PREX2: variants seen among roughly 807,000 people sequenced by gnomAD.
PREX2 encodes phosphatidylinositol 3,4,5-trisphosphate-dependent Rac exchanger 2 protein.
A neutral mutation model predicts 203.2 loss-of-function variants in PREX2; 107 were observed. That is an observed-to-expected ratio of 0.53 (90% CI 0.45 to 0.62). The LOEUF (loss-of-function observed/expected upper bound fraction) is 0.62. Among genes scored for constraint, PREX2 ranks in the 20% least tolerant of loss-of-function variants. The pLI is 0.00. For missense variants in PREX2, 1,777 were observed against 1,955.9 expected (o/e 0.91, Z 1.72); for synonymous variants, 672 against 663.6 (o/e 1.01, Z -0.19).
At chr8:68,191,256 T>C (rs1221030491) in intron 35 of PREX2, among the ~76,000 whole-genome samples, 2 of 152,198 alleles carry the variant, frequency 1.3e-5, no homozygotes, top group African/African-American at 4.8e-5. Flanking sequence ...TTTATGAGCC[T>C]TCGTTCCATA....
chr8:68,159,945 G>A (rs1431517570), intron 35 of PREX2, among the ~76,000 whole-genome samples: 1 of 152,032 alleles, frequency 6.6e-6, no homozygotes, highest in Admixed American at 6.6e-5. Flanking sequence ...GCTATAAGCT[G>A]TAAATGGCTC....
intron 20 of PREX2, 32 bp from the exon 21 acceptor site, chr8:68,093,573 C>A: frequency 2.8e-6 from 3 of 1,088,430 alleles, no homozygotes; most frequent in Middle Eastern, 2.0e-4. Flanking sequence ...AGCACTAATA[C>A]CTCTGAGGTT....
intron 1 of PREX2, among the ~76,000 whole-genome samples, chr8:67,968,687 A>G (rs1165877598): frequency 6.6e-6 from 1 of 152,200 alleles, no homozygotes; most frequent in Non-Finnish European, 1.5e-5. Flanking sequence ...AATCTTTCGC[A>G]TCCACTTCTC....
intron 26 of PREX2, among the ~76,000 whole-genome samples, chr8:68,116,710 C>T (rs996153668): frequency 3.5e-4 from 54 of 152,290 alleles, no homozygotes; most frequent in African/African-American, 1.0e-3. Context: ...CTTAAGGTCA[C>T]GCCCTAATGA....
chr8:68,030,747 A>G (rs562148258), intron 6 of PREX2, 89 bp downstream of exon 6: 2 of 1,277,146 alleles, frequency 1.6e-6, no homozygotes, highest in South Asian at 2.6e-5. Flanking sequence ...GGAACCATAA[A>G]TGGTCATTTT....
chr8:68,053,398 A>G (rs554903023), intron 9 of PREX2, 152 bp downstream of exon 9: 20 of 758,828 alleles, frequency 2.6e-5, no homozygotes, highest in African/African-American at 2.5e-4. Context: ...TTGACATTGA[A>G]AGCAATTACT....
At chr8:68,083,168 C>G in intron 17 of PREX2, 72 bp from the exon 18 acceptor site, 1 of 1,114,144 alleles carries the variant, frequency 9.0e-7, no homozygotes, top group South Asian at 1.7e-5. Flanking sequence ...TTTTCATATT[C>G]CAATTTTGTG....
intron 1 of PREX2, among the ~76,000 whole-genome samples, chr8:68,011,067 G>C (rs1333852015): frequency 6.6e-6 from 1 of 152,144 alleles, no homozygotes; most frequent in East Asian, 1.9e-4. Flanking sequence ...GAGAAAACTA[G>C]CTGTATACAT....
At chr8:68,205,494 T>C (rs1812604771) in intron 37 of PREX2, among the ~76,000 whole-genome samples, 1 of 152,204 alleles carries the variant, frequency 6.6e-6, no homozygotes, top group Admixed American at 6.5e-5. Context: ...GCTGCAGGCT[T>C]TTCCGTATTT....
chr8:68,047,763 A>G (rs938317197), intron 8 of PREX2, among the ~76,000 whole-genome samples: 5 of 151,484 alleles, frequency 3.3e-5, no homozygotes, highest in Non-Finnish European at 7.4e-5. Context: ...GTATTTTTCT[A>G]TACTCTATGT....
At chr8:68,031,611 C>A (rs1807883363) in intron 6 of PREX2, among the ~76,000 whole-genome samples, 1 of 152,172 alleles carries the variant, frequency 6.6e-6, no homozygotes, top group Non-Finnish European at 1.5e-5. Context: ...CCCTTCTCTC[C>A]TGTGAATCTT....
chr8:68,003,359 G>A (rs1807000043), intron 1 of PREX2, among the ~76,000 whole-genome samples: 1 of 99,356 alleles, frequency 1.0e-5, no homozygotes, highest in African/African-American at 3.3e-5. Flanking sequence ...TTAAAACAAT[G>A]TGACTCTTTC....
chr8:68,027,800 A>G (rs1326855579), intron 5 of PREX2, among the ~76,000 whole-genome samples: 2 of 152,086 alleles, frequency 1.3e-5, no homozygotes, highest in Non-Finnish European at 2.9e-5. Flanking sequence ...TGAGACAATA[A>G]ATGATAGAAT....
intron 1 of PREX2, among the ~76,000 whole-genome samples, chr8:67,990,705 G>T (rs902696727): frequency 6.6e-6 from 1 of 151,780 alleles, no homozygotes; most frequent in African/African-American, 2.4e-5. Flanking sequence ...TAGAGATAGG[G>T]TTTCACCAAA....
At position 68,191,711 on chromosome 8, in the gene PREX2, G is replaced by T. The variant is rs752534170; in HGVS notation, c.4347-11G>T. 6.3e-7 allele frequency: 1 copy of T among 1,588,168 alleles called. No homozygotes were observed. Among genetic ancestry groups the T allele is most frequent in the Non-Finnish European group, 8.6e-7 (1 of 1,157,456 alleles). ...ACAACAAATGATAATTTATTTCTTG[G>T]ATTCTTACAGGGCATTCTACTTGGA... is the stretch of plus-strand genomic sequence containing the variant. On this transcript the variant is annotated splice_polypyrimidine_tract_variant and intron_variant, in intron 35 of 39. Coordinates refer to ENST00000288368, the MANE Select transcript of PREX2 (RefSeq NM_024870.4).
At chr8:68,030,362 C>A in intron 5 of PREX2, 135 bp from the exon 6 acceptor site, 1 of 707,680 alleles carries the variant, frequency 1.4e-6, no homozygotes, top group Non-Finnish European at 2.2e-6. Flanking sequence ...TATTTTTGAT[C>A]TTAGAGGAAT....
chr8:67,989,395 G>A (rs1806531690), intron 1 of PREX2, among the ~76,000 whole-genome samples: 1 of 151,946 alleles, frequency 6.6e-6, no homozygotes, highest in African/African-American at 2.4e-5. Flanking sequence ...AAAATTTTCA[G>A]ATCTGGTTAA....
chr8:67,987,706 C>T (rs889500903), intron 1 of PREX2, among the ~76,000 whole-genome samples: 2 of 152,194 alleles, frequency 1.3e-5, no homozygotes, highest in African/African-American at 4.8e-5. Flanking sequence ...TGCAACCTCG[C>T]CTGCCTGCTG....
intron 35 of PREX2, among the ~76,000 whole-genome samples, chr8:68,169,493 TAAAAG>T (rs1811831816): frequency 6.6e-6 from 1 of 152,078 alleles, no homozygotes. Context: ...ATTTTATACT[TAAAAG>T]AAAAAGATAA....
Sources: allele counts gnomAD v4.1 joint callset (sites outside exome capture counted in the v4.1 genomes callset), GRCh38; gene constraint gnomAD v4.1.1; transcripts MANE v1.5; gene names NCBI Gene and HGNC (gene_info 2026-07-23, HGNC 2026-07-21).